ROBO1: variants seen among roughly 807,000 people sequenced by gnomAD.
ROBO1 encodes the protein roundabout guidance receptor 1.
ROBO1 carries 149 observed loss-of-function variants against 195.9 expected under a neutral mutation model. That is an observed-to-expected ratio of 0.76 (90% CI 0.67 to 0.87). The LOEUF (loss-of-function observed/expected upper bound fraction) is 0.87. ROBO1 is among the 40% of genes least tolerant of loss of function. The pLI, the probability that ROBO1 is intolerant of heterozygous loss-of-function variation, is 0.00. For synonymous variants in ROBO1, 816 were observed against 733.2 expected, an observed-to-expected ratio of 1.11 and a Z score of -1.82; for missense variants, 1,933 against 2,068.3, an observed-to-expected ratio of 0.93 and a Z score of 1.27.
intron 3 of ROBO1, among the ~76,000 whole-genome samples, chr3:78,961,214 C>A (rs2041328509): frequency 6.6e-6 from 1 of 151,870 alleles, no homozygotes; most frequent in African/African-American, 2.4e-5. Context: ...ATGCAAAAGC[C>A]CTACCAAATA....
intron 1 of ROBO1, among the ~76,000 whole-genome samples, chr3:79,743,942 G>A (rs974364422): frequency 6.6e-6 from 1 of 152,040 alleles, no homozygotes; most frequent in Non-Finnish European, 1.5e-5. Flanking sequence ...GCCTGCCTCA[G>A]GCTGTTTTAC....
intron 2 of ROBO1, among the ~76,000 whole-genome samples, chr3:79,215,559 A>C (rs1025231929): frequency 1.3e-5 from 2 of 152,190 alleles, no homozygotes; most frequent in African/African-American, 4.8e-5. Flanking sequence ...ACCAGCAAAC[A>C]TTCTCCAGGA....
chr3:78,912,658 T>G lies in ROBO1; in HGVS notation c.499+25943A>C, dbSNP rs552932708. ...TAGTATTTGTGATAATATCATCAATTTTAGCTAAATAGTGAAGCATCCATG... is the reference window on the plus strand; with the variant it reads ...TAGTATTTGTGATAATATCATCAATGTTAGCTAAATAGTGAAGCATCCATG... On this transcript the variant is annotated intron_variant, in intron 4 of 30. Coordinates refer to ENST00000464233, the MANE Select transcript of ROBO1 (RefSeq NM_002941.4). Among the ~76,000 whole-genome samples the G allele has an allele frequency of 2.0e-5, 3 of 152,220 alleles. No homozygotes were observed. The South Asian group carries it at 6.2e-4, about 32-fold the overall frequency.
In ROBO1 at chr3:79,433,060, G is replaced by T. The variant is rs577178863; in HGVS notation, c.88+156764C>A. ...AGTTCAGGGGTACATGTGCCGATGT[G>T]TGGGTATGTTACATAGTTAAATGGG... On this transcript the variant is annotated intron_variant, in intron 2 of 30. Transcript: ENST00000464233. Among the ~76,000 whole-genome samples the T allele has an allele frequency of 7.2e-5, 11 of 152,278 alleles. No homozygotes were observed. In the South Asian group the frequency reaches 2.3e-3, roughly 32 times the overall value.
At chr3:78,950,199 G>A (rs1230702252) in intron 3 of ROBO1, among the ~76,000 whole-genome samples, 2 of 152,098 alleles carry the variant, frequency 1.3e-5, no homozygotes, top group Non-Finnish European at 2.9e-5. Flanking sequence ...CTGCTATAAA[G>A]ACACATGCAC....
rs896975063 is a variant in ROBO1 at position 78,611,791 on chromosome 3, C to T, written c.4435+2857G>A. On this transcript the variant is annotated intron_variant, in intron 28 of 30. Transcript: ENST00000464233. ...GAGGTCACCGGGGTAGGTCCTAATCCATAACTGATGTCATTACAAGAGGAG... is the reference window on the plus strand; with the variant it reads ...GAGGTCACCGGGGTAGGTCCTAATCTATAACTGATGTCATTACAAGAGGAG... Among the ~76,000 whole-genome samples, 7 of 152,182 alleles carry T rather than the reference C, an allele frequency of 4.6e-5. No individual in the cohort carries two copies. In the East Asian group the frequency reaches 1.4e-3, roughly 29 times the overall value.
Position 78,633,978 on chromosome 3 carries a change from TG to T in ROBO1, c.3437del (p.Thr1146LysfsTer35). On this transcript the variant is annotated frameshift_variant, in exon 24 of 31. Transcript: ENST00000464233. LOFTEE classifies it high-confidence loss of function. The stretch of plus-strand genomic sequence containing the variant: ...GGTCTGAGCTGTTGTAGGATCCTCC[TG>T]TGTTCTGGTCGTATGATTGGTTGTA... Reference protein sequence around the residue: ...IPYNQSYDQNTGGSYNSSDRG... With the variant: ...IPYNQSYDQNXGGSYNSSDRG... The T allele has an allele frequency of 6.2e-7, 1 of 1,613,104 alleles. No individual in the cohort carries two copies.
At chr3:79,093,487 T>C (rs1159357221) in intron 3 of ROBO1, among the ~76,000 whole-genome samples, 1 of 152,106 alleles carries the variant, frequency 6.6e-6, no homozygotes. Context: ...TATTATAGCA[T>C]TGACAGTACA....
intron 3 of ROBO1, among the ~76,000 whole-genome samples, chr3:78,939,436 A>G (rs2040007407): frequency 6.6e-6 from 1 of 150,628 alleles, no homozygotes; most frequent in Admixed American, 6.6e-5. Flanking sequence ...AACAAGGTGA[A>G]ACCCCGTCTC....
At chr3:78,904,895 T>C (rs984515165) in intron 4 of ROBO1, among the ~76,000 whole-genome samples, 28 of 151,976 alleles carry the variant, frequency 1.8e-4, no homozygotes, top group African/African-American at 6.3e-4. Flanking sequence ...ATTTTCTCAA[T>C]TGTTAAACTA....
intron 2 of ROBO1, among the ~76,000 whole-genome samples, chr3:79,218,602 A>G (rs1326663724): frequency 1.3e-5 from 2 of 152,170 alleles, no homozygotes; most frequent in East Asian, 3.9e-4. Flanking sequence ...TGCATGAAAG[A>G]GTATCAAGAT....
At chr3:79,017,472 T>TGTGGGTGG (rs2077975976) in intron 3 of ROBO1, among the ~76,000 whole-genome samples, 1 of 150,412 alleles carries the variant, frequency 6.6e-6, no homozygotes, top group African/African-American at 2.4e-5. Context: ...TGTGTGTGTG[T>TGTGGGTGG]GTGTGTGTGT....
chr3:79,231,577 G>A (rs576555954), intron 2 of ROBO1, among the ~76,000 whole-genome samples: 1 of 152,204 alleles, frequency 6.6e-6, no homozygotes, highest in East Asian at 1.9e-4. Context: ...TGCTGGCAAG[G>A]TTGTAGAGAA....
intron 4 of ROBO1, among the ~76,000 whole-genome samples, chr3:78,803,753 C>T (rs1397288607): frequency 6.6e-6 from 1 of 151,734 alleles, no homozygotes; most frequent in Non-Finnish European, 1.5e-5. Context: ...CTTAACACTG[C>T]TTACAAAACT....
At chr3:79,032,621 G>A (rs1332133951) in intron 3 of ROBO1, among the ~76,000 whole-genome samples, 2 of 151,848 alleles carry the variant, frequency 1.3e-5, no homozygotes, top group African/African-American at 2.4e-5. Context: ...TTTTTGAAAT[G>A]TTCTCTAAAG....
At chr3:79,762,906 A>G (rs1224388488) in intron 1 of ROBO1, among the ~76,000 whole-genome samples, 1 of 152,134 alleles carries the variant, frequency 6.6e-6, no homozygotes, top group African/African-American at 2.4e-5. Context: ...GAGAAAAATC[A>G]TAATTTTTTT....
intron 2 of ROBO1, among the ~76,000 whole-genome samples, chr3:79,165,977 T>A (rs1295930093): frequency 6.6e-6 from 1 of 152,218 alleles, no homozygotes; most frequent in African/African-American, 2.4e-5. Flanking sequence ...ATTCCACCTG[T>A]GGAGAGCAAC....
chr3:79,538,303 G>A (rs1159452222), intron 2 of ROBO1, among the ~76,000 whole-genome samples: 1 of 152,052 alleles, frequency 6.6e-6, no homozygotes, highest in East Asian at 1.9e-4. Flanking sequence ...CATTTTCCAA[G>A]AGATACCCTT....
At chr3:79,324,570 A>T (rs2034125342) in intron 2 of ROBO1, among the ~76,000 whole-genome samples, 1 of 152,130 alleles carries the variant, frequency 6.6e-6, no homozygotes, top group Admixed American at 6.6e-5. Flanking sequence ...GAGATTACTT[A>T]TCAGGAGAAA....
Sources: gnomAD v4.1 joint callset for allele counts (sites outside exome capture counted in the v4.1 genomes callset) on GRCh38, gnomAD v4.1.1 for gene constraint, MANE v1.5 for transcripts, NCBI Gene and HGNC (gene_info 2026-07-23, HGNC 2026-07-21) for gene names.